HCN1: variants seen among roughly 807,000 people sequenced by gnomAD.
The protein encoded by HCN1 is hyperpolarization activated cyclic nucleotide gated potassium channel 1.
HCN1 carries 13 observed loss-of-function variants against 78.9 expected under a neutral mutation model. The ratio of observed to expected loss-of-function variants is 0.16; its 90% confidence interval spans 0.11 to 0.26. The LOEUF (loss-of-function observed/expected upper bound fraction) is 0.26. Among genes scored for constraint, HCN1 ranks in the 10% least tolerant of loss-of-function variants. The probability of loss-of-function intolerance (pLI) is 1.00; values close to 1 mark genes in which losing one functional copy is unlikely to be tolerated. For missense variants in HCN1, 810 were observed against 1,154.3 expected (o/e 0.70, Z 4.32); for synonymous variants, 552 against 455.5 (o/e 1.21, Z -2.70).
At chr5:45,664,366 G>A (rs1338421190) in intron 1 of HCN1, among the ~76,000 whole-genome samples, 3 of 142,904 alleles carry the variant, frequency 2.1e-5, no homozygotes, top group East Asian at 2.1e-4. Flanking sequence ...TAGATGACAC[G>A]TTAGTGGGTG....
intron 2 of HCN1, among the ~76,000 whole-genome samples, chr5:45,587,889 T>C (rs1744268285): frequency 6.6e-6 from 1 of 152,094 alleles, no homozygotes; most frequent in African/African-American, 2.4e-5. Flanking sequence ...CAAGTAGGAT[T>C]AATGCCCTTA....
chr5:45,692,341 C>A (rs1739930078), intron 1 of HCN1, among the ~76,000 whole-genome samples: 1 of 152,056 alleles, frequency 6.6e-6, no homozygotes. Flanking sequence ...TCATATTTAA[C>A]CTCCAAATTA....
At chr5:45,526,667 G>T (rs1437957389) in intron 2 of HCN1, among the ~76,000 whole-genome samples, 1 of 151,962 alleles carries the variant, frequency 6.6e-6, no homozygotes, top group African/African-American at 2.4e-5. Flanking sequence ...CTCCTATCTT[G>T]CAGATACACA....
At position 45,420,328 on chromosome 5, in the gene HCN1, C is replaced by A. The variant is rs929793771; in HGVS notation, c.1012-23618G>T. On this transcript the variant is annotated intron_variant, in intron 3 of 7. Coordinates refer to ENST00000303230, the MANE Select transcript of HCN1 (RefSeq NM_021072.4). ...AAATTTGGGGTGGCAACATGCCCAG[C>A]TTAATAAAACATATGATTTATACAT... Among the ~76,000 whole-genome samples, 10 of 152,170 alleles carry A rather than the reference C, an allele frequency of 6.6e-5. No individual in the cohort carries two copies. In the South Asian group the frequency reaches 2.1e-3, roughly 32 times the overall value.
At chr5:45,602,052 A>G (rs948763245) in intron 2 of HCN1, among the ~76,000 whole-genome samples, 4 of 152,078 alleles carry the variant, frequency 2.6e-5, no homozygotes, top group Admixed American at 2.6e-4. Context: ...TTCACTGGGC[A>G]TTCATTCTCT....
chr5:45,469,108 A>C (rs1282469722), intron 2 of HCN1, among the ~76,000 whole-genome samples: 1 of 151,980 alleles, frequency 6.6e-6, no homozygotes, highest in Non-Finnish European at 1.5e-5. Context: ...CACCTATTTT[A>C]ATATGATAGG....
chr5:45,422,094 C>A (rs1740240865), intron 3 of HCN1, among the ~76,000 whole-genome samples: 1 of 152,154 alleles, frequency 6.6e-6, no homozygotes, highest in Middle Eastern at 3.2e-3. Context: ...AAGTGCCCTG[C>A]CCATGTGTGG....
In HCN1 at chr5:45,644,979, T is replaced by G. The variant is rs569118894; in HGVS notation, c.849+206A>C. The G allele has an allele frequency of 3.3e-5, 18 of 550,658 alleles. No homozygotes were observed. The South Asian group carries it at 4.1e-4, about 12-fold the overall frequency. The allele number at this position is 550,658 out of a possible 1,614,324, so 34.1% of individuals were successfully genotyped here. ...ATAAATTGGCATAAAACGATCACTA[T>G]TTTTTTCAGTTCATTCAAATCCATT... On this transcript the variant is annotated intron_variant, in intron 2 of 7. Coordinates refer to ENST00000303230, the MANE Select transcript of HCN1 (RefSeq NM_021072.4).
At chr5:45,375,782 A>ATATTTTATGATATATCTTATATATAC (rs1561131742) in intron 4 of HCN1, among the ~76,000 whole-genome samples, 1 of 100,602 alleles carries the variant, frequency 9.9e-6, no homozygotes, top group African/African-American at 4.1e-5. Flanking sequence ...CTTATATATA[A>ATATTTTATGATATATCTTATATATAC]TATAATATTT....
intron 5 of HCN1, among the ~76,000 whole-genome samples, chr5:45,322,441 A>G (rs977506979): frequency 3.9e-5 from 6 of 151,916 alleles, no homozygotes; most frequent in Middle Eastern, 3.4e-3. Flanking sequence ...CCAATGAAAC[A>G]CAGGTTGAGA....
intron 3 of HCN1, among the ~76,000 whole-genome samples, chr5:45,422,023 T>C (rs993899341): frequency 3.9e-5 from 6 of 152,208 alleles, no homozygotes; most frequent in African/African-American, 1.4e-4. Flanking sequence ...GTGTGAGAGC[T>C]AGACATAACA....
At chr5:45,616,087 A>G (rs1330074073) in intron 2 of HCN1, among the ~76,000 whole-genome samples, 7 of 151,756 alleles carry the variant, frequency 4.6e-5, no homozygotes, top group African/African-American at 1.7e-4. Context: ...AAAAAAAAAA[A>G]GATGGCATTT....
intron 2 of HCN1, among the ~76,000 whole-genome samples, chr5:45,637,655 A>T (rs1745379676): frequency 6.6e-6 from 1 of 151,840 alleles, no homozygotes; most frequent in African/African-American, 2.4e-5. Flanking sequence ...AAATAAAATG[A>T]GATGGATAAT....
intron 5 of HCN1, among the ~76,000 whole-genome samples, chr5:45,350,801 G>A (rs200403940): frequency 3.3e-5 from 5 of 152,028 alleles, no homozygotes; most frequent in South Asian, 2.1e-4. Flanking sequence ...TAAAATACCT[G>A]GGAATCCAAC....
chr5:45,563,073 T>C (rs1743637297), intron 2 of HCN1, among the ~76,000 whole-genome samples: 1 of 152,220 alleles, frequency 6.6e-6, no homozygotes, highest in South Asian at 2.1e-4. Flanking sequence ...AACAGTCCCT[T>C]AATAAACCTA....
chr5:45,586,523 C>G (rs564497453), intron 2 of HCN1, among the ~76,000 whole-genome samples: 1 of 152,202 alleles, frequency 6.6e-6, no homozygotes, highest in South Asian at 2.1e-4. Context: ...TGCACTGCAC[C>G]CACTGTCCTG....
rs369934281 is a variant in HCN1, at chr5:45,658,924, G to T, written c.426-13316C>A. Among the ~76,000 whole-genome samples, 46 of 140,616 alleles carry T rather than the reference G, an allele frequency of 3.3e-4. No homozygotes were observed. The South Asian group carries it at 5.2e-3, about 16-fold the overall frequency. 92.2% of individuals were successfully genotyped at this position (140,616 alleles called of 152,430 possible). Reference sequence around the variant, plus strand: ...GCTTGCTTAGGTAAACAAAGCAGCCGGGAAGCTCGAACTGGGTGGAGCCCA... The same window carrying T: ...GCTTGCTTAGGTAAACAAAGCAGCCTGGAAGCTCGAACTGGGTGGAGCCCA... On this transcript the variant is annotated intron_variant, in intron 1 of 7. Coordinates refer to ENST00000303230, the MANE Select transcript of HCN1 (RefSeq NM_021072.4).
chr5:45,538,657 G>C (rs1579956530), intron 2 of HCN1, among the ~76,000 whole-genome samples: 1 of 152,180 alleles, frequency 6.6e-6, no homozygotes, highest in East Asian at 1.9e-4. Flanking sequence ...TAAAAGAGCT[G>C]TAAGATTAAA....
intron 2 of HCN1, among the ~76,000 whole-genome samples, chr5:45,629,680 G>A (rs1185853209): frequency 6.6e-6 from 1 of 151,976 alleles, no homozygotes; most frequent in Non-Finnish European, 1.5e-5. Flanking sequence ...TATTTCAAGT[G>A]TTCTCAAAAT....
Sources: allele counts gnomAD v4.1 joint callset (sites outside exome capture counted in the v4.1 genomes callset), GRCh38; gene constraint gnomAD v4.1.1; transcripts MANE v1.5; gene names NCBI Gene and HGNC (gene_info 2026-07-23, HGNC 2026-07-21).